Variants in ATF6 observed in about 807,000 individuals in gnomAD.
The protein encoded by ATF6 is activating transcription factor 6.
Under a neutral mutation model 83.6 loss-of-function variants are expected in ATF6, and 53 were observed. That is an observed-to-expected ratio of 0.63 (90% confidence interval 0.51 to 0.80). The LOEUF (loss-of-function observed/expected upper bound fraction) is 0.80. ATF6 is among the 30% of genes least tolerant of loss of function. The probability of loss-of-function intolerance (pLI) is 0.00; values close to 1 mark genes in which losing one functional copy is unlikely to be tolerated. For missense variants in ATF6, 744 were observed against 797.9 expected, an observed-to-expected ratio of 0.93 and a Z score of 0.81; for synonymous variants, 288 against 285.8, an observed-to-expected ratio of 1.01 and a Z score of -0.08.
intron 9 of ATF6, among the ~76,000 whole-genome samples, chr1:161,841,229 A>G (rs540160622): frequency 1.8e-4 from 28 of 152,348 alleles, no homozygotes; most frequent in Admixed American, 1.4e-3. Flanking sequence ...TACTAAAACA[A>G]TCTTGAATTC....
intron 15 of ATF6, among the ~76,000 whole-genome samples, chr1:161,938,395 C>A (rs1047454522): frequency 6.6e-6 from 1 of 152,100 alleles, no homozygotes; most frequent in African/African-American, 2.4e-5. Context: ...AGAGTCCTGC[C>A]CCATCTCCTT....
At chr1:161,941,901 A>T (rs1571252708) in intron 15 of ATF6, among the ~76,000 whole-genome samples, 1 of 151,320 alleles carries the variant, frequency 6.6e-6, no homozygotes, top group Middle Eastern at 3.4e-3. Context: ...GCTTGTCATC[A>T]TTCTCATCCA....
Position 161,917,124 on chromosome 1 carries a change from G to T in ATF6, c.1804+4744G>T, listed in dbSNP as rs182906763. Among the ~76,000 whole-genome samples the T allele has an allele frequency of 9.9e-3, 1,515 of 152,270 alleles. 13 individuals are homozygous for T. The highest frequency in any genetic ancestry group is 0.025 in the South Asian group (120 of 4,820). On this transcript the variant is annotated intron_variant, in intron 15 of 15. Transcript: ENST00000367942. ...GGTGTAGGAAACCTTGAAAGATGAG[G>T]CACTTTCATTTACATTAACTCATGT...
intron 15 of ATF6, among the ~76,000 whole-genome samples, chr1:161,951,120 A>G (rs1468532201): frequency 6.6e-6 from 1 of 152,218 alleles, no homozygotes; most frequent in Non-Finnish European, 1.5e-5. Flanking sequence ...TAGGAACTTG[A>G]CCATATATAG....
chr1:161,941,146 C>T (rs1271663908), intron 15 of ATF6, among the ~76,000 whole-genome samples: 1 of 152,208 alleles, frequency 6.6e-6, no homozygotes, highest in Admixed American at 6.5e-5. Context: ...CCTTACATAT[C>T]TGAGAAAAGC....
intron 14 of ATF6, among the ~76,000 whole-genome samples, chr1:161,867,627 G>A (rs1315039853): frequency 2.6e-5 from 4 of 152,188 alleles, no homozygotes; most frequent in Non-Finnish European, 5.9e-5. Flanking sequence ...GTGAATGTCA[G>A]TTTGCCATAT....
At chr1:161,948,775 C>A (rs902747496) in intron 15 of ATF6, among the ~76,000 whole-genome samples, 1 of 152,158 alleles carries the variant, frequency 6.6e-6, no homozygotes, top group Admixed American at 6.5e-5. Context: ...AATCCAGACA[C>A]CTTTATGAGG....
chr1:161,858,704 C>T (rs1422504688), intron 12 of ATF6, among the ~76,000 whole-genome samples: 1 of 152,116 alleles, frequency 6.6e-6, no homozygotes, highest in Non-Finnish European at 1.5e-5. Flanking sequence ...GTGTAAATGC[C>T]TCTCACATTT....
intron 15 of ATF6, among the ~76,000 whole-genome samples, chr1:161,928,094 C>T (rs1480917737): frequency 2.0e-5 from 3 of 152,038 alleles, no homozygotes; most frequent in Admixed American, 2.0e-4. Context: ...CCTCATAAAG[C>T]CTATGTGAGA....
chr1:161,936,854 A>G (rs1688546383), intron 15 of ATF6, among the ~76,000 whole-genome samples: 1 of 151,980 alleles, frequency 6.6e-6, no homozygotes, highest in Non-Finnish European at 1.5e-5. Context: ...TCCACCCTCA[A>G]CCTTCTCCTG....
At chr1:161,936,399 C>T (rs1329765823) in intron 15 of ATF6, among the ~76,000 whole-genome samples, 1 of 152,132 alleles carries the variant, frequency 6.6e-6, no homozygotes, top group Non-Finnish European at 1.5e-5. Flanking sequence ...GAAATAATTA[C>T]ATCATGAAGA....
chr1:161,930,702 C>T (rs1249387651), intron 15 of ATF6, among the ~76,000 whole-genome samples: 1 of 152,002 alleles, frequency 6.6e-6, no homozygotes, highest in East Asian at 1.9e-4. Flanking sequence ...AATTTTATCT[C>T]CATGCCTTCA....
rs772719181 is a variant in ATF6, at chr1:161,863,283, G to A, written c.1690G>A (p.Asp564Asn). 2.3e-5 allele frequency: 37 copies of A among 1,612,076 alleles called. No homozygotes were observed. Among genetic ancestry groups the A allele is most frequent in the Non-Finnish European group, 3.0e-5 (35 of 1,178,380 alleles). ...TTTTGAAGCCATCCGCAGAAGGGGA[G>A]ACACATTTTATGTTGTGTCATTTCG... is the stretch of plus-strand genomic sequence containing the variant. ...DFFEAIRRRG[D>N]TFYVVSFRRD... Residue 564 changes from aspartate (D) to asparagine (N), a missense_variant, in exon 14 of 16, where the codon GAC (aspartate) becomes AAC (asparagine). Physicochemically the swap from Asp to Asn is conservative, Grantham distance 23. Coordinates refer to ENST00000367942, the MANE Select transcript of ATF6 (RefSeq NM_007348.4).
At chr1:161,874,447 T>C (rs1264069534) in intron 14 of ATF6, among the ~76,000 whole-genome samples, 5 of 151,702 alleles carry the variant, frequency 3.3e-5, no homozygotes, top group Non-Finnish European at 7.4e-5. Flanking sequence ...GATTATAATA[T>C]GCCCTAAAAT....
intron 7 of ATF6, among the ~76,000 whole-genome samples, chr1:161,815,547 C>G (rs1448950291): frequency 6.6e-6 from 1 of 151,880 alleles, no homozygotes; most frequent in African/African-American, 2.4e-5. Flanking sequence ...TTCTTAGCAA[C>G]ATCACAGAAA....
intron 15 of ATF6, among the ~76,000 whole-genome samples, chr1:161,949,617 A>G (rs190699612): frequency 1.5e-4 from 23 of 152,354 alleles, no homozygotes; most frequent in African/African-American, 5.5e-4. Context: ...TGAGGGCCTC[A>G]GGCTGCCTCT....
chr1:161,922,879 G>A (rs905083668), intron 15 of ATF6, among the ~76,000 whole-genome samples: 1 of 152,122 alleles, frequency 6.6e-6, no homozygotes, highest in Non-Finnish European at 1.5e-5. Context: ...GTGAAGAGTT[G>A]TGATTTATCA....
At chr1:161,857,072 GAGA>G (rs1686781293) in intron 12 of ATF6, among the ~76,000 whole-genome samples, 1 of 152,148 alleles carries the variant, frequency 6.6e-6, no homozygotes, top group African/African-American at 2.4e-5. Flanking sequence ...TTAGAGGAAG[GAGA>G]AGAATTATTC....
chr1:161,861,430 A>G (rs1056652920), intron 13 of ATF6, among the ~76,000 whole-genome samples: 4 of 152,230 alleles, frequency 2.6e-5, no homozygotes, highest in Admixed American at 6.5e-5. Context: ...CTGAGATTGT[A>G]TTATCCTGTT....
Sources: allele counts gnomAD v4.1 joint callset (sites outside exome capture counted in the v4.1 genomes callset), GRCh38; gene constraint gnomAD v4.1.1; transcripts MANE v1.5; gene names NCBI Gene and HGNC (gene_info 2026-07-23, HGNC 2026-07-21).